MACROH2A2: variants seen among roughly 807,000 people sequenced by gnomAD.
The protein encoded by MACROH2A2 is macroH2A.2 histone.
MACROH2A2 carries 6 observed loss-of-function variants against 37.6 expected under a neutral mutation model. That is an observed-to-expected ratio of 0.16 (90% confidence interval 0.09 to 0.32). The LOEUF (loss-of-function observed/expected upper bound fraction) is 0.32, where lower values mean the gene tolerates loss of function less well. Ranked by LOEUF, MACROH2A2 falls within the 10% of genes least tolerant of loss-of-function variation. The pLI is 1.00. For missense variants in MACROH2A2, 290 were observed against 485.9 expected, an observed-to-expected ratio of 0.60 and a Z score of 3.79; for synonymous variants, 192 against 202.7, an observed-to-expected ratio of 0.95 and a Z score of 0.45.
At position 70,071,620 on chromosome 10, in the gene MACROH2A2, G is replaced by C. The variant is rs546274606; in HGVS notation, c.-59-3980G>C. Among the ~76,000 whole-genome samples, 8 of 152,332 alleles carry C rather than the reference G, an allele frequency of 5.3e-5. No individual in the cohort carries two copies. The East Asian group carries it at 1.5e-3, about 29-fold the overall frequency. On this transcript the variant is annotated intron_variant, in intron 1 of 8. Transcript: ENST00000373255. ...AGGTGATTTTGTCATTGTGCAAACA[G>C]CATAGAGTGGACTTCACAAACCTAG...
At chr10:70,090,247 C>T in intron 3 of MACROH2A2, 81 bp downstream of exon 3, 1 of 863,728 alleles carries the variant, frequency 1.2e-6, no homozygotes, top group Non-Finnish European at 2.0e-6. Flanking sequence ...CCATGAGTCA[C>T]TCCTGCTACA....
intron 1 of MACROH2A2, among the ~76,000 whole-genome samples, chr10:70,059,789 C>T (rs973286390): frequency 1.1e-4 from 17 of 152,328 alleles, no homozygotes; most frequent in African/African-American, 4.1e-4. Context: ...CCGCACCTTC[C>T]ATTCTACCAC....
At chr10:70,108,895 T>A (rs2072353251) in intron 7 of MACROH2A2, 138 bp from the exon 8 acceptor site, 4 of 740,282 alleles carry the variant, frequency 5.4e-6, no homozygotes, top group Non-Finnish European at 7.1e-6. Context: ...ATAGTCCACA[T>A]CAGGAGCACA....
chr10:70,076,904 T>C (rs954419912), intron 2 of MACROH2A2, among the ~76,000 whole-genome samples: 1 of 151,962 alleles, frequency 6.6e-6, no homozygotes, highest in African/African-American at 2.4e-5. Context: ...CCAACCAACA[T>C]TTATTGGTGA....
intron 6 of MACROH2A2, among the ~76,000 whole-genome samples, chr10:70,097,675 T>C (rs544684117): frequency 6.6e-6 from 1 of 152,324 alleles, no homozygotes; most frequent in South Asian, 2.1e-4. Flanking sequence ...CTATGAATAT[T>C]TCACAATGAC....
intron 1 of MACROH2A2, among the ~76,000 whole-genome samples, chr10:70,061,200 T>C (rs891097605): frequency 1.3e-5 from 2 of 152,176 alleles, no homozygotes; most frequent in African/African-American, 4.8e-5. Flanking sequence ...TGCTCCTATT[T>C]GTCAAGCCTC....
rs375096673 is a variant in MACROH2A2, at chr10:70,090,121, G to A, written c.234G>A (p.Pro78=). ...ARDNKKARIA[P]RHILLAVAND... is the part of the protein sequence containing the mutation. ...ACAACAAGAAGGCCCGGATAGCCCC[G>A]AGACACATCTTGCTGGCAGTTGCCA... Residue 78 remains proline, a synonymous_variant, in exon 3 of 9, where the codon CCG becomes CCA. Transcript: ENST00000373255. The A allele has an allele frequency of 1.1e-4, 184 of 1,613,970 alleles. 2 individuals are homozygous for A. The South Asian group carries it at 1.8e-3, about 16-fold the overall frequency.
intron 8 of MACROH2A2, among the ~76,000 whole-genome samples, chr10:70,109,730 G>T (rs1329119531): frequency 6.6e-6 from 1 of 152,204 alleles, no homozygotes; most frequent in Admixed American, 6.5e-5. Flanking sequence ...AGACTGCAGA[G>T]CCAGGAGTTC....
chr10:70,089,782 A>G (rs1337321678), intron 2 of MACROH2A2, among the ~76,000 whole-genome samples: 2 of 151,790 alleles, frequency 1.3e-5, no homozygotes, highest in African/African-American at 4.8e-5. Flanking sequence ...TTTTAGAGAC[A>G]GGGTCTCACT....
chr10:70,089,286 G>A (rs1223104415), intron 2 of MACROH2A2, among the ~76,000 whole-genome samples: 1 of 152,178 alleles, frequency 6.6e-6, no homozygotes, highest in Non-Finnish European at 1.5e-5. Context: ...GCTTCAACAA[G>A]AGAGTTTATT....
At chr10:70,111,181 A>G (rs1159647332) in intron 8 of MACROH2A2, among the ~76,000 whole-genome samples, 1 of 152,146 alleles carries the variant, frequency 6.6e-6, no homozygotes, top group East Asian at 1.9e-4. Context: ...AGGCAGGAGA[A>G]TCGCTTGAAC....
At chr10:70,070,189 A>G (rs527610824) in intron 1 of MACROH2A2, among the ~76,000 whole-genome samples, 162 of 152,236 alleles carry the variant, frequency 1.1e-3, no homozygotes, top group Non-Finnish European at 1.9e-3. Context: ...AGACCTGAAA[A>G]GATGGGTTTG....
Position 70,090,153 on chromosome 10 carries a change from A to T in MACROH2A2, c.266A>T (p.Glu89Val). ...RHILLAVANDEELNQLLKGVT... is the reference protein window; with the variant it reads ...RHILLAVANDVELNQLLKGVT... ...ATCTTGCTGGCAGTTGCCAATGACGAGGAGCTCAACCAGGTATGTCTGAAG... is the reference window on the plus strand; with the variant it reads ...ATCTTGCTGGCAGTTGCCAATGACGTGGAGCTCAACCAGGTATGTCTGAAG... The change falls in exon 3 of 9, where the codon GAG (glutamate) becomes GTG (valine). Residue 89 changes from glutamate to valine, a missense_variant. Transcript: ENST00000373255. 1 of 1,610,176 alleles carries T rather than the reference A, an allele frequency of 6.2e-7. No homozygotes were observed. The highest frequency in any genetic ancestry group is 8.5e-7 in the Non-Finnish European group (1 of 1,176,362).
Position 70,080,233 on chromosome 10 carries a change from C to T in MACROH2A2, c.172+4403C>T, listed in dbSNP as rs185306377. Reference sequence around the variant, plus strand: ...GGCGGAGGTTGTGGTGAGCCGAGATCGCGTCATTGCACTCCAGCCTGGGCA... The same window carrying T: ...GGCGGAGGTTGTGGTGAGCCGAGATTGCGTCATTGCACTCCAGCCTGGGCA... On this transcript the variant is annotated intron_variant, in intron 2 of 8. Transcript: ENST00000373255. 5.4e-4 allele frequency among the ~76,000 whole-genome samples: 82 copies of T among 150,920 alleles called. 2 individuals carry two copies. The East Asian group carries it at 0.014, about 25-fold the overall frequency.
At chr10:70,064,493 G>A (rs1483098106) in intron 1 of MACROH2A2, among the ~76,000 whole-genome samples, 1 of 152,212 alleles carries the variant, frequency 6.6e-6, no homozygotes, top group African/African-American at 2.4e-5. Flanking sequence ...ACACCCTAAA[G>A]CCATGCCTGC....
At chr10:70,110,521 A>G (rs1351982741) in intron 8 of MACROH2A2, among the ~76,000 whole-genome samples, 1 of 152,168 alleles carries the variant, frequency 6.6e-6, no homozygotes, top group Non-Finnish European at 1.5e-5. Context: ...TTGTTTGAAG[A>G]CCAGGTATTT....
rs2072379178 is a variant in MACROH2A2, at chr10:70,111,951, T to TTATA, written c.*269_*272dup. The TTATA allele has an allele frequency of 3.5e-6, 1 of 284,128 alleles. No homozygotes were observed. Among genetic ancestry groups the TTATA allele is most frequent in the Non-Finnish European group, 6.5e-6 (1 of 153,526 alleles). The allele number at this position is 284,128 out of a possible 1,614,324, so 17.6% of individuals were successfully genotyped here. A position where few individuals can be genotyped will look rare whatever the true frequency, so the allele number is the denominator to read the frequency against. ...TAAAAAAACAGACCTCGTTTTAGAT[T>TTATA]TATAGCATTGACTTTTACACACATT... is the stretch of plus-strand genomic sequence containing the variant. On this transcript the variant is annotated 3_prime_UTR_variant, in exon 9 of 9. Coordinates refer to ENST00000373255, the MANE Select transcript of MACROH2A2 (RefSeq NM_018649.3).
At chr10:70,071,757 A>C (rs1009263222) in intron 1 of MACROH2A2, among the ~76,000 whole-genome samples, 6 of 152,212 alleles carry the variant, frequency 3.9e-5, no homozygotes, top group African/African-American at 1.2e-4. Context: ...GGTGATGGTA[A>C]GTTTTTGTGT....
At chr10:70,085,874 A>T (rs2072207559) in intron 2 of MACROH2A2, among the ~76,000 whole-genome samples, 1 of 152,246 alleles carries the variant, frequency 6.6e-6, no homozygotes, top group Non-Finnish European at 1.5e-5. Flanking sequence ...GATTAATAAA[A>T]TCCCCAAGAT....
Sources: gnomAD v4.1 joint callset for allele counts (sites outside exome capture counted in the v4.1 genomes callset) on GRCh38, gnomAD v4.1.1 for gene constraint, MANE v1.5 for transcripts, NCBI Gene and HGNC (gene_info 2026-07-23, HGNC 2026-07-21) for gene names.